CDH2: variants seen among roughly 807,000 people sequenced by gnomAD.
CDH2 encodes the protein cadherin 2.
Under a neutral mutation model 92.0 loss-of-function variants are expected in CDH2, and 17 were observed. That is an observed-to-expected ratio of 0.18 (90% CI 0.13 to 0.28). CDH2 has a LOEUF of 0.28. CDH2 is among the 10% of genes least tolerant of loss of function. The pLI, the probability that CDH2 is intolerant of heterozygous loss-of-function variation, is 1.00. For missense variants in CDH2, 862 were observed against 1,133.1 expected (o/e 0.76, Z 3.44); for synonymous variants, 419 against 415.9 (o/e 1.01, Z -0.09).
At chr18:28,065,923 G>T (rs900343894) in intron 2 of CDH2, among the ~76,000 whole-genome samples, 1 of 152,116 alleles carries the variant, frequency 6.6e-6, no homozygotes. Context: ...TGGGCTTTGA[G>T]GATTATCCAC....
intron 2 of CDH2, among the ~76,000 whole-genome samples, chr18:28,119,139 A>G (rs1322298395): frequency 6.6e-6 from 1 of 152,118 alleles, no homozygotes; most frequent in Non-Finnish European, 1.5e-5. Flanking sequence ...AAATGGTGCA[A>G]AGAAGACTCT....
chr18:28,098,428 CTGGTCACA>C (rs1302832332), intron 2 of CDH2, among the ~76,000 whole-genome samples: 1 of 152,130 alleles, frequency 6.6e-6, no homozygotes, highest in Non-Finnish European at 1.5e-5. Context: ...CTATGAGCCT[CTGGTCACA>C]AGATTTTCAT....
rs577351067 is a variant in CDH2 at position 28,117,567 on chromosome 18, C to T, written c.172+30106G>A. Among the ~76,000 whole-genome samples the T allele has an allele frequency of 2.7e-4, 41 of 152,266 alleles. No individual in the cohort carries two copies. In the South Asian group the frequency reaches 8.1e-3, roughly 30 times the overall value. ...AAAATAGATTCACAAAGAGTTTAAA[C>T]TATCAAGAAAAGTTCATAGCCTCAA... On this transcript the variant is annotated intron_variant, in intron 2 of 15. Coordinates refer to ENST00000269141, the MANE Select transcript of CDH2 (RefSeq NM_001792.5).
chr18:28,038,948 C>T (rs755262114), intron 2 of CDH2, among the ~76,000 whole-genome samples: 1 of 152,124 alleles, frequency 6.6e-6, no homozygotes, highest in Non-Finnish European at 1.5e-5. Flanking sequence ...ATGCAAAATA[C>T]TTTACAGCTT....
intron 2 of CDH2, among the ~76,000 whole-genome samples, chr18:28,144,244 G>A (rs943788638): frequency 1.3e-5 from 2 of 151,338 alleles, no homozygotes; most frequent in Non-Finnish European, 2.9e-5. Context: ...AAAATGAAGA[G>A]TTTGGCCATA....
intron 2 of CDH2, among the ~76,000 whole-genome samples, chr18:28,056,422 G>A (rs903819529): frequency 6.6e-6 from 1 of 152,124 alleles, no homozygotes; most frequent in Non-Finnish European, 1.5e-5. Flanking sequence ...ATTGGCCTAG[G>A]AAACAAAGAT....
Position 28,013,663 on chromosome 18 carries a change from G to A in CDH2, c.399+20C>T, listed in dbSNP as rs1248009629. On this transcript the variant is annotated intron_variant, in intron 3 of 15. Transcript: ENST00000269141. ...AAGCTGATTTTTAACCAGCCCTAAAGCCATATTCGGATACTATACCTTCAC... is the reference window on the plus strand; with the variant it reads ...AAGCTGATTTTTAACCAGCCCTAAAACCATATTCGGATACTATACCTTCAC... 3 of 1,565,014 alleles carry A rather than the reference G, an allele frequency of 1.9e-6. No individual in the cohort carries two copies. Among genetic ancestry groups the A allele is most frequent in the Non-Finnish European group, 2.6e-6 (3 of 1,135,388 alleles).
chr18:28,082,045 A>G lies in CDH2; in HGVS notation c.172+65628T>C, dbSNP rs144874365. On this transcript the variant is annotated intron_variant, in intron 2 of 15. Coordinates refer to ENST00000269141, the MANE Select transcript of CDH2 (RefSeq NM_001792.5). Reference sequence around the variant, plus strand: ...GCCTTGTAAAATCTTGCTATAAACTACTGAGAATCTTTTTGTGAAAAAATG... The same window carrying G: ...GCCTTGTAAAATCTTGCTATAAACTGCTGAGAATCTTTTTGTGAAAAAATG... 2.8e-4 allele frequency among the ~76,000 whole-genome samples: 43 copies of G among 152,306 alleles called. No homozygotes were observed. In the East Asian group the frequency reaches 7.9e-3, roughly 28 times the overall value.
chr18:28,128,594 A>G (rs1785842), intron 2 of CDH2, among the ~76,000 whole-genome samples: 93,690 of 151,688 alleles, frequency 0.62, 29,736 homozygotes, highest in African/African-American at 0.74. Context: ...GCTGAGATAG[A>G]AGAGCTGATT....
In CDH2 at chr18:27,993,487, AG is replaced by A. The variant is rs769011409; in HGVS notation, c.1158+12del. The A allele has an allele frequency of 6.2e-7, 1 of 1,611,740 alleles. No homozygotes were observed. The highest frequency in any genetic ancestry group is 1.1e-5 in the South Asian group (1 of 90,598). ...ACAGACCCAAAGTTGTGTGAGTGAC[AG>A]GCTGTACTCACCGTCATGGCAGTAA... On this transcript the variant is annotated intron_variant, in intron 8 of 15. Transcript: ENST00000269141.
chr18:28,104,656 ATT>A (rs2015291033), intron 2 of CDH2, among the ~76,000 whole-genome samples: 1 of 151,094 alleles, frequency 6.6e-6, no homozygotes, highest in Non-Finnish European at 1.5e-5. Context: ...ACAAAAAAAC[ATT>A]TGATTACCTA....
At chr18:28,127,411 C>T (rs548777316) in intron 2 of CDH2, among the ~76,000 whole-genome samples, 1 of 152,276 alleles carries the variant, frequency 6.6e-6, no homozygotes, top group Admixed American at 6.5e-5. Context: ...ACAGGCTGTT[C>T]CAGCCCTATC....
At chr18:28,132,369 GTTTC>G (rs1174698705) in intron 2 of CDH2, among the ~76,000 whole-genome samples, 2 of 152,212 alleles carry the variant, frequency 1.3e-5, no homozygotes, top group Non-Finnish European at 2.9e-5. Context: ...TTAAGGGCCA[GTTTC>G]TTTCCTTCTC....
intron 14 of CDH2, among the ~76,000 whole-genome samples, chr18:27,977,276 T>A (rs2011863156): frequency 1.3e-5 from 2 of 152,082 alleles, no homozygotes; most frequent in African/African-American, 4.8e-5. Context: ...CTCCTGACAA[T>A]CTAAGCCACA....
At chr18:28,021,278 T>A (rs11564331) in intron 2 of CDH2, among the ~76,000 whole-genome samples, 2,312 of 152,106 alleles carry the variant, frequency 0.015, 27 homozygotes, top group Non-Finnish European at 0.025. Flanking sequence ...CTTGAACATC[T>A]TTTCCTGAGA....
At position 28,095,807 on chromosome 18, in the gene CDH2, CAAAAAA is replaced by C. The variant is rs33981188; in HGVS notation, c.172+51860_172+51865del. Among the ~76,000 whole-genome samples the C allele has an allele frequency of 3.4e-3, 345 of 102,930 alleles. 6 individuals carry two copies. The highest frequency in any genetic ancestry group is 0.014 in the African/African-American group (335 of 24,324). 67.5% of individuals were successfully genotyped at this position (102,930 alleles called of 152,430 possible). On this transcript the variant is annotated intron_variant, in intron 2 of 15. Transcript: ENST00000269141. Reference sequence around the variant, plus strand: ...CCTGGGCAATAGGATGCAACTCCATCAAAAAAAAAAAAAAAAAAGAAAGAAAAGAGA... The same window carrying C: ...CCTGGGCAATAGGATGCAACTCCATCAAAAAAAAAAAAGAAAGAAAAGAGA...
At chr18:28,072,797 C>T (rs771663174) in intron 2 of CDH2, among the ~76,000 whole-genome samples, 3 of 152,212 alleles carry the variant, frequency 2.0e-5, no homozygotes, top group African/African-American at 7.2e-5. Flanking sequence ...TTCTGCTTTA[C>T]GCAAAGAGTA....
intron 2 of CDH2, among the ~76,000 whole-genome samples, chr18:28,140,334 T>C (rs1236690705): frequency 6.6e-6 from 1 of 151,856 alleles, no homozygotes; most frequent in Non-Finnish European, 1.5e-5. Context: ...TTAAAAACAT[T>C]TGTGCATCAA....
At chr18:28,015,846 T>A (rs995096126) in intron 2 of CDH2, among the ~76,000 whole-genome samples, 7 of 152,198 alleles carry the variant, frequency 4.6e-5, no homozygotes, top group Admixed American at 4.6e-4. Context: ...ATATGTCAGA[T>A]CTTTAACCTA....
Sources: gnomAD v4.1 joint callset for allele counts (sites outside exome capture counted in the v4.1 genomes callset) on GRCh38, gnomAD v4.1.1 for gene constraint, MANE v1.5 for transcripts, NCBI Gene and HGNC (gene_info 2026-07-23, HGNC 2026-07-21) for gene names.